Variants in NUMBL observed in about 807,000 individuals in gnomAD.
NUMBL encodes NUMB like endocytic adaptor protein.
A neutral mutation model predicts 48.9 loss-of-function variants in NUMBL; 20 were observed. The ratio of observed to expected loss-of-function variants is 0.41; its 90% CI spans 0.29 to 0.59. The LOEUF (loss-of-function observed/expected upper bound fraction) is 0.59. Ranked by LOEUF, NUMBL falls within the 20% of genes least tolerant of loss-of-function variation. The pLI, the probability that NUMBL is intolerant of heterozygous loss-of-function variation, is 0.31. For synonymous variants in NUMBL, 340 were observed against 348.7 expected, an observed-to-expected ratio of 0.98 and a Z score of 0.28; for missense variants, 660 against 846.2, an observed-to-expected ratio of 0.78 and a Z score of 2.73.
intron 3 of NUMBL, chr19:40,684,196 G>C (rs965221678): frequency 6.1e-6 from 3 of 494,490 alleles, no homozygotes; most frequent in African/African-American, 2.1e-5. Context: ...AGCCTCCCCA[G>C]TAGCTGGGAC....
At position 40,667,945 on chromosome 19, in the gene NUMBL, G is replaced by A. The variant is rs768758384; in HGVS notation, c.1353C>T (p.Ala451=). The stretch of plus-strand genomic sequence containing the variant: ...GGGCAGGAGGCATGGTGGGCACTGG[G>A]GCCACTGAGGCTGCTTGCTGCTGTT... ...QQQQQQAASV[A]PVPTMPPALQ... The change falls in exon 10 of 10, where the codon GCC becomes GCT. Residue 451 remains alanine (A), a synonymous_variant. Transcript: ENST00000252891. This position sits in a 1 kb window ranked among gnomAD's most constrained non-coding sequence, Gnocchi z 6.1. 4.5e-6 allele frequency: 7 copies of A among 1,567,170 alleles called. No homozygotes were observed. The South Asian group carries it at 5.8e-5, about 13-fold the overall frequency.
chr19:40,677,468 G>A (rs764221758), intron 6 of NUMBL, 47 bp from the exon 7 acceptor site: 22 of 1,554,010 alleles, frequency 1.4e-5, no homozygotes, highest in South Asian at 3.5e-5. Context: ...TGGGCAGTGC[G>A]GACAGGGGCC....
At chr19:40,690,402 C>A in intron 1 of NUMBL, 58 bp downstream of exon 1, 1 of 1,062,404 alleles carries the variant, frequency 9.4e-7, no homozygotes, top group Non-Finnish European at 1.2e-6. Flanking sequence ...TCCCACCCTC[C>A]GCCACATCAG....
At chr19:40,672,770 C>A (rs1334501453) in intron 8 of NUMBL, among the ~76,000 whole-genome samples, 1 of 150,900 alleles carries the variant, frequency 6.6e-6, no homozygotes, top group Non-Finnish European at 1.5e-5. Context: ...GCCTTTTTTG[C>A]CATCCCTTGA....
Position 40,668,150 on chromosome 19 carries a change from A to G in NUMBL, c.1160-12T>C. 1 of 1,581,106 alleles carries G rather than the reference A, an allele frequency of 6.3e-7. No homozygotes were observed. The highest frequency in any genetic ancestry group is 1.2e-5 in the South Asian group (1 of 86,060). ...CCAGGCAGAAGTCCCTGGAGAGAGG[A>G]GAGGGACAGGTGAGGGAGGGGGCAA... is the stretch of plus-strand genomic sequence containing the variant. On this transcript the variant is annotated splice_polypyrimidine_tract_variant and intron_variant, in intron 9 of 9. Transcript: ENST00000252891.
chr19:40,667,576 C>G lies in NUMBL; in HGVS notation c.1722G>C (p.Leu574Phe). 1.3e-6 allele frequency: 2 copies of G among 1,557,606 alleles called. No individual in the cohort carries two copies. The highest frequency in any genetic ancestry group is 1.7e-6 in the Non-Finnish European group (2 of 1,150,292). The change falls in exon 10 of 10, where the codon TTG (leucine) becomes TTC (phenylalanine). Residue 574 changes from leucine to phenylalanine, a missense_variant. Physicochemically the swap from Leu to Phe is conservative, Grantham distance 22. Transcript: ENST00000252891. The surrounding 1 kb of genome is among the most constrained non-coding windows in gnomAD (Gnocchi z 6.1). ...PEPAPAPAPE[L>F]DPFEAQWAAL... ...CCGCCCACTGGGCCTCAAAGGGGTCCAACTCTGGAGCTGGGGCAGGCGCTG... is the reference window on the plus strand; with the variant it reads ...CCGCCCACTGGGCCTCAAAGGGGTCGAACTCTGGAGCTGGGGCAGGCGCTG...
chr19:40,686,153 CTT>C lies in NUMBL; in HGVS notation c.109+756_109+757del, dbSNP rs35951088. On this transcript the variant is annotated intron_variant, in intron 2 of 9. Transcript: ENST00000252891. ...TGTCAGACTGTGCAAGAGTGTGTCT[CTT>C]TTTTTTTTTTTTGAGACGAAATTTT... 1,391 of 144,036 alleles carry C rather than the reference CTT, an allele frequency of 9.7e-3. 26 individuals carry two copies. The highest frequency in any genetic ancestry group is 0.03 in the African/African-American group (1,172 of 39,014). 8.9% of individuals were successfully genotyped at this position (144,036 alleles called of 1,614,324 possible). A position where few individuals can be genotyped will look rare whatever the true frequency, so the allele number is the denominator to read the frequency against.
rs116834109 is a variant in NUMBL at position 40,673,480 on chromosome 19, C to T, written c.900G>A (p.Leu300=). ...IPRRHAPLEQ[L]VRQGSFRGFP... is the part of the protein sequence containing the mutation. The stretch of plus-strand genomic sequence containing the variant: ...ACCCACGGAAGGAGCCCTGGCGAAC[C>T]AGCTGCTCCAGGGGTGCATGGCGCC... The change falls in exon 8 of 10, where the codon CTG becomes CTA. Residue 300 remains leucine (L), a synonymous_variant. Coordinates refer to ENST00000252891, the MANE Select transcript of NUMBL (RefSeq NM_004756.5). This position sits in a 1 kb window ranked among gnomAD's most constrained non-coding sequence, Gnocchi z 5.9. 2.1e-4 allele frequency: 339 copies of T among 1,598,068 alleles called. 2 individuals carry two copies. In the African/African-American group the frequency reaches 4.0e-3, roughly 19 times the overall value.
At position 40,667,866 on chromosome 19, in the gene NUMBL, C is replaced by G; in HGVS notation, c.1432G>C (p.Ala478Pro). ...GPFDAAPAQVAVFLPPPHMQP... is the reference protein window; with the variant it reads ...GPFDAAPAQVPVFLPPPHMQP... ...ATGTGTGGGGGTGGCAGGAACACGGCCACTTGGGCAGGTGCAGCGTCAAAG... is the reference window on the plus strand; with the variant it reads ...ATGTGTGGGGGTGGCAGGAACACGGGCACTTGGGCAGGTGCAGCGTCAAAG... Residue 478 changes from alanine (A) to proline (P), a missense_variant, in exon 10 of 10, where the codon GCC becomes CCC. Physicochemically the swap from Ala to Pro is conservative, Grantham distance 27. This residue lies in a region of NUMBL where 296 missense variants were observed against 339.7 expected (regional missense o/e 0.87). Transcript: ENST00000252891. The surrounding 1 kb of genome is among the most constrained non-coding windows in gnomAD (Gnocchi z 6.1). 1 of 1,588,660 alleles carries G rather than the reference C, an allele frequency of 6.3e-7. No homozygotes were observed. Among genetic ancestry groups the G allele is most frequent in the Non-Finnish European group, 8.6e-7 (1 of 1,167,586 alleles).
intron 1 of NUMBL, 114 bp downstream of exon 1, chr19:40,690,346 C>G: frequency 1.7e-6 from 1 of 588,108 alleles, no homozygotes; most frequent in African/African-American, 1.9e-5. Context: ...CGGGACCACC[C>G]TCTCCAGCCT....
Position 40,682,730 on chromosome 19 carries a change from T to C in NUMBL, c.397A>G (p.Lys133Glu). 4 of 1,613,994 alleles carry C rather than the reference T, an allele frequency of 2.5e-6. No homozygotes were observed. The highest frequency in any genetic ancestry group is 3.4e-6 in the Non-Finnish European group (4 of 1,179,940). The change falls in exon 5 of 10, where the codon AAG (lysine) becomes GAG (glutamate). Residue 133 changes from lysine to glutamate, a missense_variant and splice_region_variant. Lys to Glu is a moderately conservative substitution (Grantham distance 56). Coordinates refer to ENST00000252891, the MANE Select transcript of NUMBL (RefSeq NM_004756.5). The surrounding 1 kb of genome is among the most constrained non-coding windows in gnomAD (Gnocchi z 4.0). ...GTCCACCCCCACAGGCCTCCTACCT[T>C]GGTTTTGTCGTCCACCACTCGGAGC... is the stretch of plus-strand genomic sequence containing the variant. ...DGLRVVDDKT[K>E]DLLVDQTIEK... is the part of the protein sequence containing the mutation.
intron 8 of NUMBL, among the ~76,000 whole-genome samples, chr19:40,670,925 G>C (rs1181804946): frequency 1.3e-5 from 2 of 152,134 alleles, no homozygotes; most frequent in Non-Finnish European, 2.9e-5. Context: ...ATAAATCTGG[G>C]TGTGTGGTCT....
chr19:40,667,935 T>G lies in NUMBL; in HGVS notation c.1363A>C (p.Thr455Pro). ...AAAGGCTGCAGGGCAGGAGGCATGG[T>G]GGGCACTGGGGCCACTGAGGCTGCT... is the stretch of plus-strand genomic sequence containing the variant. The part of the protein sequence containing the change: ...QQAASVAPVP[T>P]MPPALQPFPA... Residue 455 changes from threonine to proline, a missense_variant, in exon 10 of 10, where the codon ACC becomes CCC. This residue lies in a region of NUMBL where 296 missense variants were observed against 339.7 expected (regional missense o/e 0.87). Transcript: ENST00000252891. This position sits in a 1 kb window ranked among gnomAD's most constrained non-coding sequence, Gnocchi z 6.1. 3.8e-6 allele frequency: 6 copies of G among 1,568,406 alleles called. No homozygotes were observed. The highest frequency in any genetic ancestry group is 5.2e-6 in the Non-Finnish European group (6 of 1,156,840).
chr19:40,686,947 C>T lies in NUMBL; in HGVS notation c.73G>A (p.Ala25Thr). The part of the protein sequence containing the change: ...ERHLPPAPCG[A>T]PGPPETCRTE... Reference sequence around the variant, plus strand: ...CTGCAGGTTTCTGGGGGCCCCGGGGCCCCACAGGGGGCTGGGGGCAGGTGC... The same window carrying T: ...CTGCAGGTTTCTGGGGGCCCCGGGGTCCCACAGGGGGCTGGGGGCAGGTGC... Residue 25 changes from alanine (A) to threonine (T), a missense_variant, in exon 2 of 10, where the codon GCC (alanine) becomes ACC (threonine). This residue lies in a region of NUMBL where 86 missense variants were observed against 85.9 expected (regional missense o/e 1.00). Transcript: ENST00000252891. The T allele has an allele frequency of 6.5e-7, 1 of 1,544,672 alleles. No homozygotes were observed. Among genetic ancestry groups the T allele is most frequent in the African/African-American group, 1.4e-5 (1 of 72,732 alleles).
rs780834867 is a variant in NUMBL at position 40,684,515 on chromosome 19, G to A, written c.151C>T (p.Arg51Trp). The change falls in exon 3 of 10, where the codon CGG becomes TGG. Residue 51 changes from arginine to tryptophan, a missense_variant. Arg to Trp is a moderately radical substitution (Grantham distance 101, BLOSUM62 -3). Coordinates refer to ENST00000252891, the MANE Select transcript of NUMBL (RefSeq NM_004756.5). ...TMNKLRQSLR[R>W]RKPAYVPEAS... ...TCGGGCACGTAGGCTGGCTTCCTCC[G>A]CCGCAGGCTCTGCCGTAACTTGTTC... 4.4e-6 allele frequency: 7 copies of A among 1,606,800 alleles called. No individual in the cohort carries two copies. The highest frequency in any genetic ancestry group is 2.2e-5 in the East Asian group (1 of 44,652).
At chr19:40,679,590 A>C (rs2081894638) in intron 6 of NUMBL, among the ~76,000 whole-genome samples, 1 of 152,130 alleles carries the variant, frequency 6.6e-6, no homozygotes, top group Admixed American at 6.5e-5. Flanking sequence ...AGACAGGAGA[A>C]TTGCTTGAAC....
intron 5 of NUMBL, among the ~76,000 whole-genome samples, chr19:40,681,899 G>A (rs185139323): frequency 1.7e-3 from 265 of 152,126 alleles, no homozygotes; most frequent in Non-Finnish European, 2.8e-3. Context: ...TCTCGAACTC[G>A]TGACCTCAGG....
At position 40,684,525 on chromosome 19, in the gene NUMBL, C is replaced by T; in HGVS notation, c.141G>A (p.Gln47=). Residue 47 remains glutamine, a synonymous_variant, in exon 3 of 10, where the codon CAG becomes CAA. Transcript: ENST00000252891. ...AGGCTGGCTTCCTCCGCCGCAGGCT[C>T]TGCCGTAACTTGTTCATGGTGCCCG... The part of the protein sequence containing the change: ...DGAGTMNKLR[Q]SLRRRKPAYV... 6.2e-7 allele frequency: 1 copy of T among 1,609,176 alleles called. No individual in the cohort carries two copies. Among genetic ancestry groups the T allele is most frequent in the Non-Finnish European group, 8.5e-7 (1 of 1,177,872 alleles).
intron 6 of NUMBL, 80 bp from the exon 7 acceptor site, chr19:40,677,501 T>G: frequency 7.4e-7 from 1 of 1,358,550 alleles, no homozygotes; most frequent in Non-Finnish European, 1.0e-6. Context: ...TTATAGCCGC[T>G]AGGTACTGGG....
Sources: gnomAD v4.1 joint callset for allele counts (sites outside exome capture counted in the v4.1 genomes callset) on GRCh38, gnomAD v4.1.1 for gene constraint, gnomAD v4.1.1 regional missense constraint, Gnocchi (gnomAD v3.1) non-coding constraint, MANE v1.5 for transcripts, NCBI Gene and HGNC (gene_info 2026-07-23, HGNC 2026-07-21) for gene names.